The following OSBPL5 variants were observed in gnomAD, a reference collection of about 807,000 sequenced individuals.
The protein encoded by OSBPL5 is oxysterol-binding protein-related protein 5.
Under a neutral mutation model 111.2 loss-of-function variants are expected in OSBPL5, and 71 were observed. The ratio of observed to expected loss-of-function variants is 0.64; its 90% confidence interval spans 0.53 to 0.78. OSBPL5 has a LOEUF of 0.78. OSBPL5 is among the 30% of genes least tolerant of loss of function. The probability of loss-of-function intolerance (pLI) is 0.00; values close to 1 mark genes in which losing one functional copy is unlikely to be tolerated. For synonymous variants in OSBPL5, 549 were observed against 513.9 expected (o/e 1.07, Z -0.93); for missense variants, 1,210 against 1,189.3 (o/e 1.02, Z -0.26).
chr11:3,162,763 G>A lies in OSBPL5; in HGVS notation c.-22+2453C>T, dbSNP rs559298464. 4.6e-5 allele frequency among the ~76,000 whole-genome samples: 7 copies of A among 151,986 alleles called. No individual in the cohort carries two copies. The South Asian group carries it at 1.2e-3, about 27-fold the overall frequency. ...AGTTGCCTCCTCAAGCTGCAGGCTCGGTAAGTCATCAAGCAAAGCTGGCAT... is the reference window on the plus strand; with the variant it reads ...AGTTGCCTCCTCAAGCTGCAGGCTCAGTAAGTCATCAAGCAAAGCTGGCAT... On this transcript the variant is annotated intron_variant, in intron 1 of 21. Transcript: ENST00000263650. This position sits in a 1 kb window ranked among gnomAD's most constrained non-coding sequence, Gnocchi z 8.1.
At chr11:3,097,077 G>A (rs1027897118) in intron 14 of OSBPL5, among the ~76,000 whole-genome samples, 37 of 6,958 alleles carry the variant, frequency 5.3e-3, no homozygotes, top group African/African-American at 0.016. Context: ...GAAGATGGAA[G>A]GAGGAGAAGA....
intron 1 of OSBPL5, among the ~76,000 whole-genome samples, chr11:3,155,608 C>T (rs1387467188): frequency 4.0e-5 from 6 of 150,172 alleles, no homozygotes; most frequent in African/African-American, 1.5e-4. Context: ...CCAGCTTTGC[C>T]ACTCACCCCA....
intron 3 of OSBPL5, among the ~76,000 whole-genome samples, chr11:3,123,551 C>G (rs1018220816): frequency 1.7e-4 from 26 of 152,360 alleles, no homozygotes; most frequent in African/African-American, 4.8e-4. Flanking sequence ...TGCCGTCTGG[C>G]CTTTTCCAGA....
chr11:3,103,878 C>A (rs879852609), intron 10 of OSBPL5, among the ~76,000 whole-genome samples: 2 of 16,876 alleles, frequency 1.2e-4, no homozygotes, highest in Non-Finnish European at 2.7e-4. Context: ...CTTCCTGCCT[C>A]TGTAGCCCCA....
intron 14 of OSBPL5, among the ~76,000 whole-genome samples, chr11:3,098,551 G>GC (rs1451657630): frequency 7.5e-6 from 1 of 133,536 alleles, no homozygotes; most frequent in Non-Finnish European, 1.5e-5. Flanking sequence ...TGTTGCCCAG[G>GC]CTGGAGTGCA....
chr11:3,103,835 CCT>C (rs1564830556), intron 10 of OSBPL5, among the ~76,000 whole-genome samples: 1 of 92,824 alleles, frequency 1.1e-5, no homozygotes, highest in Non-Finnish European at 2.3e-5. Flanking sequence ...CCCCTTCCAG[CCT>C]CTGCAGCCCC....
intron 1 of OSBPL5, among the ~76,000 whole-genome samples, chr11:3,155,326 G>C (rs530412768): frequency 6.6e-6 from 1 of 152,174 alleles, no homozygotes; most frequent in Non-Finnish European, 1.5e-5. Context: ...AATAATGTCC[G>C]GCACAGCCTG....
At position 3,093,096 on chromosome 11, in the gene OSBPL5, C is replaced by T. The variant is rs368919046; in HGVS notation, c.1947-44G>A. 66 of 1,469,520 alleles carry T rather than the reference C, an allele frequency of 4.5e-5. No homozygotes were observed. The African/African-American group carries it at 5.8e-4, about 13-fold the overall frequency. The allele number at this position is 1,469,520 out of a possible 1,614,324, so 91.0% of individuals were successfully genotyped here. ...TCCTGAGCCAGTGGCCCGGGCAGCC[C>T]GACCCCTAGGCAGCTAGGAATCAGG... is the stretch of plus-strand genomic sequence containing the variant. On this transcript the variant is annotated intron_variant, in intron 17 of 21. Transcript: ENST00000263650.
intron 20 of OSBPL5, 97 bp from the exon 21 acceptor site, chr11:3,090,045 CAG>C: frequency 1.1e-6 from 1 of 889,170 alleles, no homozygotes; most frequent in South Asian, 1.8e-5. Flanking sequence ...GGGTCATATC[CAG>C]CTCGGGCCTC....
chr11:3,120,443 T>C lies in OSBPL5; in HGVS notation c.584A>G (p.Asp195Gly), dbSNP rs1339923262. ...CACCTTCACGGCCCAGACGGACTGATCCAGCGGGTGGAAGAGCTTGAAGCA... is the reference window on the plus strand; with the variant it reads ...CACCTTCACGGCCCAGACGGACTGACCCAGCGGGTGGAAGAGCTTGAAGCA... ...GFCFKLFHPL[D>G]QSVWAVKGPK... The change falls in exon 6 of 22, where the codon GAT becomes GGT. Residue 195 changes from aspartate (D) to glycine (G), a missense_variant. By Grantham distance (94) the Asp-to-Gly change is moderately conservative. Coordinates refer to ENST00000263650, the MANE Select transcript of OSBPL5 (RefSeq NM_020896.4). 1 of 1,613,202 alleles carries C rather than the reference T, an allele frequency of 6.2e-7. No individual in the cohort carries two copies. The highest frequency in any genetic ancestry group is 1.7e-5 in the Admixed American group (1 of 60,008).
rs554262395 is a variant in OSBPL5 at position 3,146,106 on chromosome 11, T to G, written c.-21-16937A>C. 1.5e-4 allele frequency: 23 copies of G among 152,242 alleles called. No individual in the cohort carries two copies. Among genetic ancestry groups the G allele is most frequent in the African/African-American group, 5.3e-4 (22 of 41,536 alleles). 9.4% of individuals were successfully genotyped at this position (152,242 alleles called of 1,614,324 possible). On this transcript the variant is annotated intron_variant, in intron 1 of 21. Transcript: ENST00000263650. The surrounding 1 kb of genome is among the most constrained non-coding windows in gnomAD (Gnocchi z 7.8). Reference sequence around the variant, plus strand: ...CCACAGAAGCCGAGTGTCATTTCTATTCCAGGCCCTTCCATCTCACCAGAT... The same window carrying G: ...CCACAGAAGCCGAGTGTCATTTCTAGTCCAGGCCCTTCCATCTCACCAGAT...
intron 1 of OSBPL5, among the ~76,000 whole-genome samples, chr11:3,148,005 C>T (rs1487381354): frequency 6.6e-6 from 1 of 152,210 alleles, no homozygotes; most frequent in African/African-American, 2.4e-5. Flanking sequence ...TGTTCCTCAT[C>T]CTCCGCACGC....
chr11:3,159,488 G>A (rs1282060982), intron 1 of OSBPL5, among the ~76,000 whole-genome samples: 1 of 152,162 alleles, frequency 6.6e-6, no homozygotes, highest in Non-Finnish European at 1.5e-5. Context: ...CATGTACTAT[G>A]GTCCCTGCTC....
intron 1 of OSBPL5, among the ~76,000 whole-genome samples, chr11:3,155,675 A>ATGT (rs1250009176): frequency 6.6e-6 from 1 of 150,700 alleles, no homozygotes; most frequent in Non-Finnish European, 1.5e-5. Flanking sequence ...TCTGCCACTC[A>ATGT]CCCCAGCTTT....
chr11:3,097,480 C>T (rs1857314521), intron 14 of OSBPL5, among the ~76,000 whole-genome samples: 1 of 152,148 alleles, frequency 6.6e-6, no homozygotes, highest in African/African-American at 2.4e-5. Context: ...CCAGAAACAA[C>T]CTACTAAGAA....
intron 19 of OSBPL5, among the ~76,000 whole-genome samples, chr11:3,091,910 T>G (rs943380569): frequency 6.6e-6 from 1 of 152,084 alleles, no homozygotes; most frequent in Non-Finnish European, 1.5e-5. Flanking sequence ...GCTGGGGCGG[T>G]GCAGCTCAGC....
At chr11:3,136,275 A>G (rs947772739) in intron 1 of OSBPL5, among the ~76,000 whole-genome samples, 2 of 152,214 alleles carry the variant, frequency 1.3e-5, no homozygotes, top group Admixed American at 1.3e-4. Context: ...TCCAGCCTCC[A>G]AAGTGCTCCT....
Position 3,094,245 on chromosome 11 carries a change from T to G in OSBPL5, c.1711A>C (p.Lys571Gln). 6.2e-7 allele frequency: 1 copy of G among 1,613,434 alleles called. No homozygotes were observed. Residue 571 changes from lysine to glutamine, a missense_variant, in exon 15 of 22, where the codon AAA becomes CAA. By Grantham distance (53) the Lys-to-Gln change is moderately conservative (BLOSUM62 1). Transcript: ENST00000263650. ...KNNFQAQLEF[K>Q]LKPFFGGSTS... ...GCTGCAGCCAGCGCTACCTTGAGTT[T>G]GAATTCCAGCTGGGCCTGGAAGTTG...
In OSBPL5 at chr11:3,147,900, G is replaced by A. The variant is rs146843185; in HGVS notation, c.-22+17316C>T. On this transcript the variant is annotated intron_variant, in intron 1 of 21. Transcript: ENST00000263650. ...TCCACCACCAAGAGCCTGTTCTTGC[G>A]ACTGAACGCCCACCATGGCCCTGGC... Among the ~76,000 whole-genome samples, 255 of 152,264 alleles carry A rather than the reference G, an allele frequency of 1.7e-3. 1 individual carries two copies. The highest frequency in any genetic ancestry group is 5.8e-3 in the African/African-American group (243 of 41,546).
Sources: gnomAD v4.1 joint callset for allele counts (sites outside exome capture counted in the v4.1 genomes callset) on GRCh38, gnomAD v4.1.1 for gene constraint, Gnocchi (gnomAD v3.1) non-coding constraint, MANE v1.5 for transcripts, NCBI Gene and HGNC (gene_info 2026-07-23, HGNC 2026-07-21) for gene names.